INSR: variants seen among roughly 807,000 people sequenced by gnomAD.
INSR encodes IR.
INSR carries 67 observed loss-of-function variants against 142.6 expected under a neutral mutation model. The ratio of observed to expected loss-of-function variants is 0.47; its 90% CI spans 0.39 to 0.58. The LOEUF (loss-of-function observed/expected upper bound fraction) is 0.58, where lower values mean the gene tolerates loss of function less well. Ranked by LOEUF, INSR falls within the 20% of genes least tolerant of loss-of-function variation. The pLI, the probability that INSR is intolerant of heterozygous loss-of-function variation, is 0.00. For missense variants in INSR, 1,248 were observed against 1,833.2 expected, an observed-to-expected ratio of 0.68 and a Z score of 5.83; for synonymous variants, 756 against 743.1, an observed-to-expected ratio of 1.02 and a Z score of -0.28.
chr19:7,141,667 A>G lies in INSR; in HGVS notation c.2682+10T>C, dbSNP rs1301646596. ...TGTGCAGGGGCATGCCCAAGAGTCA[A>G]GGGCCTTACCTCATCACCATATCGC... On this transcript the variant is annotated intron_variant, in intron 13 of 21. Transcript: ENST00000302850. The G allele has an allele frequency of 6.2e-7, 1 of 1,614,164 alleles. No individual in the cohort carries two copies. The highest frequency in any genetic ancestry group is 8.5e-7 in the Non-Finnish European group (1 of 1,179,994).
intron 2 of INSR, among the ~76,000 whole-genome samples, chr19:7,219,501 G>GAGGGAGGGAAGGAAGGAGGA (rs1975536967): frequency 7.2e-6 from 1 of 139,558 alleles, no homozygotes; most frequent in Admixed American, 7.2e-5. Context: ...AGGAAGGAGG[G>GAGGGAGGGAAGGAAGGAGGA]AGGGAGGGAA....
chr19:7,120,363 G>A (rs547045052), intron 20 of INSR, among the ~76,000 whole-genome samples: 20 of 152,162 alleles, frequency 1.3e-4, no homozygotes, highest in Non-Finnish European at 2.6e-4. Context: ...GCTGTGCCAC[G>A]GGCACACGTC....
Position 7,267,720 on chromosome 19 carries a change from C to A in INSR, c.277G>T (p.Val93Phe). Residue 93 changes from valine to phenylalanine, a missense_variant, in exon 2 of 22, where the codon GTC becomes TTC. Val to Phe is a conservative substitution (Grantham distance 50). This residue lies in a region of INSR where 1,069 missense variants were observed against 1,654.0 expected (regional missense o/e 0.65). Coordinates refer to ENST00000302850, the MANE Select transcript of INSR (RefSeq NM_000208.4). The surrounding 1 kb of genome is among the most constrained non-coding windows in gnomAD (Gnocchi z 6.3). ...TCCTTCAGGCTCTCGAGCCCATAGACCCGGAAGAGCAGCAAGTAATCAGTG... is the reference window on the plus strand; with the variant it reads ...TCCTTCAGGCTCTCGAGCCCATAGAACCGGAAGAGCAGCAAGTAATCAGTG... ...MITDYLLLFR[V>F]YGLESLKDLF... is the part of the protein sequence containing the mutation. The A allele has an allele frequency of 6.2e-7, 1 of 1,614,078 alleles. No homozygotes were observed. Among genetic ancestry groups the A allele is most frequent in the Non-Finnish European group, 8.5e-7 (1 of 1,180,028 alleles).
At chr19:7,169,687 G>A (rs1353754159) in intron 6 of INSR, among the ~76,000 whole-genome samples, 1 of 151,918 alleles carries the variant, frequency 6.6e-6, no homozygotes, top group East Asian at 1.9e-4. Flanking sequence ...CACTTCCCAG[G>A]AGATGCAGAC....
chr19:7,189,497 T>G (rs760895672), intron 2 of INSR, among the ~76,000 whole-genome samples: 1 of 152,148 alleles, frequency 6.6e-6, no homozygotes, highest in African/African-American at 2.4e-5. Context: ...ATGGTGTTGG[T>G]TGAAACTACT....
At chr19:7,282,898 G>A (rs1022197172) in intron 1 of INSR, among the ~76,000 whole-genome samples, 6 of 151,252 alleles carry the variant, frequency 4.0e-5, no homozygotes, top group South Asian at 2.1e-4. Flanking sequence ...GCATGAACCC[G>A]GAAGGCGAAG....
At position 7,122,543 on chromosome 19, in the gene INSR, A is replaced by G. The variant is rs1370178249; in HGVS notation, c.3529+71T>C. On this transcript the variant is annotated intron_variant, in intron 19 of 21. Transcript: ENST00000302850. ...ATCAGAAAAGACTTAACGGCTCATT[A>G]TAGACAACTTCCTTCTGAAATCAAA... 2.6e-6 allele frequency: 4 copies of G among 1,525,170 alleles called. No homozygotes were observed. The African/African-American group carries it at 5.5e-5, about 21-fold the overall frequency. 94.5% of individuals were successfully genotyped at this position (1,525,170 alleles called of 1,614,324 possible).
At chr19:7,261,573 C>T (rs1977065341) in intron 2 of INSR, among the ~76,000 whole-genome samples, 1 of 152,026 alleles carries the variant, frequency 6.6e-6, no homozygotes, top group African/African-American at 2.4e-5. Context: ...CTCTGTCGGC[C>T]AGGCTGGGGT....
intron 2 of INSR, among the ~76,000 whole-genome samples, chr19:7,250,074 G>A (rs1167866390): frequency 6.6e-6 from 1 of 151,972 alleles, no homozygotes; most frequent in African/African-American, 2.4e-5. Flanking sequence ...TGGGAGGATG[G>A]CTTGAGACCA....
rs1234150403 is a variant in INSR, at chr19:7,268,275, G to A, written c.101-379C>T. On this transcript the variant is annotated intron_variant, in intron 1 of 21. Coordinates refer to ENST00000302850, the MANE Select transcript of INSR (RefSeq NM_000208.4). Reference sequence around the variant, plus strand: ...GAAGATCTTCAGGAGATAATTTACGGGGATAAAGGTGCCCGCGGTCAGAAA... The same window carrying A: ...GAAGATCTTCAGGAGATAATTTACGAGGATAAAGGTGCCCGCGGTCAGAAA... The A allele has an allele frequency of 2.4e-5, 5 of 208,416 alleles. No individual in the cohort carries two copies. The Admixed American group carries it at 2.6e-4, about 11-fold the overall frequency. 12.9% of individuals were successfully genotyped at this position (208,416 alleles called of 1,614,324 possible).
chr19:7,184,284 G>A lies in INSR; in HGVS notation c.974+32C>T, dbSNP rs186802785. On this transcript the variant is annotated intron_variant, in intron 3 of 21. Coordinates refer to ENST00000302850, the MANE Select transcript of INSR (RefSeq NM_000208.4). The stretch of plus-strand genomic sequence containing the variant: ...CCAACCCCACGTTCCTTCTCCTCTC[G>A]GCTGCCCCCCAGACCCACATCCAGA... 2,592 of 1,598,164 alleles carry A rather than the reference G, an allele frequency of 1.6e-3. 7 individuals carry two copies. The highest frequency in any genetic ancestry group is 5.5e-3 in the Admixed American group (331 of 59,864).
intron 9 of INSR, among the ~76,000 whole-genome samples, chr19:7,154,581 C>T (rs373989365): frequency 5.4e-5 from 8 of 148,342 alleles, no homozygotes; most frequent in East Asian, 2.1e-4. Context: ...GGATTACAGG[C>T]GTGAGCCACT....
intron 2 of INSR, among the ~76,000 whole-genome samples, chr19:7,252,778 C>G (rs1252812002): frequency 6.6e-6 from 1 of 152,040 alleles, no homozygotes; most frequent in Non-Finnish European, 1.5e-5. Flanking sequence ...GATCCAAGAC[C>G]CTCCTCGCCT....
At chr19:7,146,894 ATCT>A (rs1973199143) in intron 11 of INSR, among the ~76,000 whole-genome samples, 1 of 152,162 alleles carries the variant, frequency 6.6e-6, no homozygotes, top group South Asian at 2.1e-4. Context: ...GTTTTATGTC[ATCT>A]TCTTTCCTTC....
intron 1 of INSR, chr19:7,268,494 C>T (rs530073234): frequency 1.8e-5 from 18 of 985,314 alleles, no homozygotes; most frequent in Non-Finnish European, 2.2e-5. Context: ...AAGGCGGTCC[C>T]TCCCAGGCCC....
In INSR at chr19:7,113,720, T is replaced by C. The variant is rs1183746475; in HGVS notation, c.*3336A>G. On this transcript the variant is annotated 3_prime_UTR_variant, in exon 22 of 22. Transcript: ENST00000302850. ...ACCGTGTCTTTCTAGGACCAAAGTT[T>C]TATTGTTACAAAGTCAACATTTCCT... The C allele has an allele frequency of 6.6e-6, 1 of 152,208 alleles. No individual in the cohort carries two copies. Among genetic ancestry groups the C allele is most frequent in the African/African-American group, 2.4e-5 (1 of 41,452 alleles). 9.4% of individuals were successfully genotyped at this position (152,208 alleles called of 1,614,324 possible).
intron 12 of INSR, 75 bp downstream of exon 12, chr19:7,142,741 G>T (rs1973101326): frequency 8.5e-6 from 13 of 1,536,666 alleles, no homozygotes; most frequent in Non-Finnish European, 1.1e-5. Context: ...GCACTGCTTA[G>T]AGGGTGGAGA....
At chr19:7,273,968 A>G (rs1355388086) in intron 1 of INSR, among the ~76,000 whole-genome samples, 6 of 151,936 alleles carry the variant, frequency 3.9e-5, no homozygotes, top group Non-Finnish European at 7.4e-5. Flanking sequence ...ACTCCAGCCT[A>G]AGTAACAAAG....
intron 8 of INSR, among the ~76,000 whole-genome samples, chr19:7,164,408 G>A (rs1042954213): frequency 6.6e-6 from 1 of 152,128 alleles, no homozygotes; most frequent in Non-Finnish European, 1.5e-5. Flanking sequence ...ATTAGGCCGG[G>A]CCCAGTGGCT....
Sources: gnomAD v4.1 joint callset for allele counts (sites outside exome capture counted in the v4.1 genomes callset) on GRCh38, gnomAD v4.1.1 for gene constraint, gnomAD v4.1.1 regional missense constraint, Gnocchi (gnomAD v3.1) non-coding constraint, MANE v1.5 for transcripts, NCBI Gene and HGNC (gene_info 2026-07-23, HGNC 2026-07-21) for gene names.